Variants in ANKRD10 observed in about 807,000 individuals in gnomAD.
The protein encoded by ANKRD10 is ankyrin repeat domain-containing protein 10.
In ANKRD10, 14 loss-of-function variants were observed where a neutral mutation model predicts 27.0. That is an observed-to-expected ratio of 0.52 (90% CI 0.34 to 0.81). The LOEUF (loss-of-function observed/expected upper bound fraction) is 0.81. Among genes scored for constraint, ANKRD10 ranks in the 40% least tolerant of loss-of-function variants. The pLI is 0.01. For synonymous variants in ANKRD10, 250 were observed against 224.5 expected (o/e 1.11, Z -1.01); for missense variants, 493 against 544.0 (o/e 0.91, Z 0.93).
intron 3 of ANKRD10, chr13:110,900,581 C>T: frequency 7.4e-7 from 1 of 1,351,304 alleles, no homozygotes; most frequent in Non-Finnish European, 9.8e-7. Flanking sequence ...ACATTCAATG[C>T]CACAACTGTA....
chr13:110,913,964 A>C (rs989115162), intron 1 of ANKRD10, among the ~76,000 whole-genome samples: 1 of 152,232 alleles, frequency 6.6e-6, no homozygotes, highest in Non-Finnish European at 1.5e-5. Flanking sequence ...GTTTAAGAAA[A>C]AAGAGGGGAA....
chr13:110,888,585 C>T (rs2064995504), intron 4 of ANKRD10, among the ~76,000 whole-genome samples: 1 of 151,976 alleles, frequency 6.6e-6, no homozygotes, highest in Non-Finnish European at 1.5e-5. Flanking sequence ...ATTTTATTTC[C>T]TCTCAAGTTT....
chr13:110,914,772 A>C lies in ANKRD10; in HGVS notation c.163T>G (p.Ser55Ala). The change falls in exon 1 of 6, where the codon TCC becomes GCC. Residue 55 changes from serine to alanine, a missense_variant. Physicochemically the swap from Ser to Ala is moderately conservative, Grantham distance 99 (BLOSUM62 1). Coordinates refer to ENST00000267339, the MANE Select transcript of ANKRD10 (RefSeq NM_017664.4). Reference protein sequence around the residue: ...TPHAHLASEDSFYGWTPVHWA... With the variant: ...TPHAHLASEDAFYGWTPVHWA... ...TGCACGGGCGTCCAGCCATAGAAGG[A>C]GTCCTCAGAGGCCAGGTGGGCGTGG... 6.3e-7 allele frequency: 1 copy of C among 1,599,310 alleles called. No homozygotes were observed. Among genetic ancestry groups the C allele is most frequent in the Non-Finnish European group, 8.5e-7 (1 of 1,173,546 alleles).
intron 3 of ANKRD10, among the ~76,000 whole-genome samples, chr13:110,901,548 C>G (rs1450729172): frequency 6.6e-6 from 1 of 152,188 alleles, no homozygotes; most frequent in Non-Finnish European, 1.5e-5. Context: ...TTATTAAAAT[C>G]TGTATTTTAA....
At chr13:110,895,525 T>C (rs1384507813) in intron 3 of ANKRD10, among the ~76,000 whole-genome samples, 1 of 150,904 alleles carries the variant, frequency 6.6e-6, no homozygotes, top group Non-Finnish European at 1.5e-5. Context: ...AGGCAGAGGC[T>C]GCAGTGAGCC....
intron 4 of ANKRD10, among the ~76,000 whole-genome samples, chr13:110,889,993 G>C (rs920416016): frequency 1.3e-5 from 2 of 152,204 alleles, no homozygotes; most frequent in Admixed American, 1.3e-4. Flanking sequence ...ATTTTTATAT[G>C]TGAAGTTACT....
intron 1 of ANKRD10, 133 bp downstream of exon 1, chr13:110,914,592 G>A: frequency 7.4e-7 from 1 of 1,359,518 alleles, no homozygotes; most frequent in Non-Finnish European, 9.7e-7. Context: ...GGCCCCTCGG[G>A]GCACAGGCGC....
At chr13:110,890,544 A>G (rs1313787778) in intron 4 of ANKRD10, among the ~76,000 whole-genome samples, 1 of 152,230 alleles carries the variant, frequency 6.6e-6, no homozygotes, top group African/African-American at 2.4e-5. Flanking sequence ...GGAAATTAGT[A>G]AAGTCATGGT....
rs751413527 is a variant in ANKRD10 at position 110,883,680 on chromosome 13, G to A, written c.787+18C>T. The A allele has an allele frequency of 1.2e-6, 2 of 1,612,880 alleles. No individual in the cohort carries two copies. Among genetic ancestry groups the A allele is most frequent in the Non-Finnish European group, 1.7e-6 (2 of 1,179,142 alleles). ...ATTGGATTGTTGTTGCAGCTAACAG[G>A]AAACTGTCCACTCCCACCTGTTACA... On this transcript the variant is annotated intron_variant, in intron 5 of 5. Coordinates refer to ENST00000267339, the MANE Select transcript of ANKRD10 (RefSeq NM_017664.4).
intron 2 of ANKRD10, among the ~76,000 whole-genome samples, chr13:110,908,865 A>G (rs1464980173): frequency 6.6e-6 from 1 of 152,244 alleles, no homozygotes; most frequent in African/African-American, 2.4e-5. Flanking sequence ...TTACAATGCC[A>G]AATGATATGC....
At chr13:110,887,036 C>G (rs1346991118) in intron 4 of ANKRD10, among the ~76,000 whole-genome samples, 2 of 152,188 alleles carry the variant, frequency 1.3e-5, no homozygotes, top group African/African-American at 4.8e-5. Flanking sequence ...CTCAGAGATA[C>G]AGCCACAAGC....
intron 4 of ANKRD10, among the ~76,000 whole-genome samples, chr13:110,888,223 G>A (rs1258908886): frequency 6.7e-6 from 1 of 150,286 alleles, no homozygotes; most frequent in Non-Finnish European, 1.5e-5. Context: ...TTGTGATCAA[G>A]TGTGCCAGTC....
intron 4 of ANKRD10, among the ~76,000 whole-genome samples, chr13:110,889,759 G>A (rs1482377170): frequency 6.6e-6 from 1 of 152,134 alleles, no homozygotes; most frequent in African/African-American, 2.4e-5. Flanking sequence ...TCCTTAAGAG[G>A]TGACTTAGCC....
intron 3 of ANKRD10, among the ~76,000 whole-genome samples, chr13:110,898,466 C>T (rs942134585): frequency 6.6e-6 from 1 of 152,210 alleles, no homozygotes; most frequent in Non-Finnish European, 1.5e-5. Context: ...ACTTGATTTA[C>T]AGGTTCTGTG....
chr13:110,881,463 TC>T (rs1228754635), intron 5 of ANKRD10, among the ~76,000 whole-genome samples: 1 of 84,896 alleles, frequency 1.2e-5, no homozygotes, highest in East Asian at 7.1e-4. Flanking sequence ...CCATTAATCA[TC>T]CTTTTTTTTT....
intron 4 of ANKRD10, among the ~76,000 whole-genome samples, chr13:110,892,438 G>GAAAAAAAAAAAAAAAAAA (rs2065105005): frequency 1.8e-4 from 2 of 11,092 alleles, no homozygotes; most frequent in African/African-American, 6.6e-4. Context: ...AAAAAAAAAT[G>GAAAAAAAAAAAAAAAAAA]GTGGGAGAAT....
intron 5 of ANKRD10, among the ~76,000 whole-genome samples, chr13:110,881,509 AT>A (rs2064818239): frequency 7.7e-6 from 1 of 129,894 alleles, no homozygotes; most frequent in African/African-American, 2.9e-5. Flanking sequence ...ATTGCTATAA[AT>A]TCTTCACAGG....
At chr13:110,888,061 G>A (rs1231120410) in intron 4 of ANKRD10, among the ~76,000 whole-genome samples, 1 of 152,062 alleles carries the variant, frequency 6.6e-6, no homozygotes, top group African/African-American at 2.4e-5. Context: ...ACCTTTCGCG[G>A]GACCCGCCAG....
intron 3 of ANKRD10, chr13:110,894,427 AC>A (rs71206950): frequency 3.8e-4 from 96 of 252,294 alleles, no homozygotes; most frequent in South Asian, 8.6e-4. Context: ...AAAAAAAAAA[AC>A]CCCGCATTTG....
Sources: allele counts gnomAD v4.1 joint callset (sites outside exome capture counted in the v4.1 genomes callset), GRCh38; gene constraint gnomAD v4.1.1; transcripts MANE v1.5; gene names NCBI Gene and HGNC (gene_info 2026-07-23, HGNC 2026-07-21).